Variants in IGF2BP3 observed in about 807,000 individuals in gnomAD.
The protein encoded by IGF2BP3 is insulin-like growth factor 2 mRNA-binding protein 3.
In IGF2BP3, 9 loss-of-function variants were observed where a neutral mutation model predicts 73.8. The observed-to-expected ratio is 0.12, with a 90% confidence interval of 0.07 to 0.21. The LOEUF (loss-of-function observed/expected upper bound fraction) is 0.21, where lower values mean the gene tolerates loss of function less well. IGF2BP3 is among the 10% of genes least tolerant of loss of function. IGF2BP3 has a pLI of 1.00. For missense variants in IGF2BP3, 542 were observed against 714.0 expected, an observed-to-expected ratio of 0.76 and a Z score of 2.75; for synonymous variants, 258 against 256.7, an observed-to-expected ratio of 1.01 and a Z score of -0.05.
At chr7:23,344,796 C>T (rs757271280) in intron 8 of IGF2BP3, among the ~76,000 whole-genome samples, 1 of 152,208 alleles carries the variant, frequency 6.6e-6, no homozygotes, top group Non-Finnish European at 1.5e-5. Flanking sequence ...TTTCCTCAAA[C>T]TTGTTAAAAA....
rs563265869 is a variant in IGF2BP3 at position 23,314,856 on chromosome 7, G to A, written c.1396-1203C>T. Reference sequence around the variant, plus strand: ...CCTGTCATGCAGGCTGAAGTGCAATGGCATGGTTTCGGCTTACTGCAACCT... The same window carrying A: ...CCTGTCATGCAGGCTGAAGTGCAATAGCATGGTTTCGGCTTACTGCAACCT... On this transcript the variant is annotated intron_variant, in intron 12 of 14. Coordinates refer to ENST00000258729, the MANE Select transcript of IGF2BP3 (RefSeq NM_006547.3). 3.2e-4 allele frequency among the ~76,000 whole-genome samples: 49 copies of A among 152,200 alleles called. 2 individuals are homozygous for A. In the South Asian group the frequency reaches 9.7e-3, roughly 30 times the overall value.
intron 10 of IGF2BP3, among the ~76,000 whole-genome samples, chr7:23,322,843 A>G (rs1784195083): frequency 6.6e-6 from 1 of 152,206 alleles, no homozygotes; most frequent in African/African-American, 2.4e-5. Context: ...TAAAGGAGAA[A>G]TAAAATCCTT....
At chr7:23,361,893 C>T in intron 3 of IGF2BP3, 152 bp from the exon 4 acceptor site, 1 of 617,390 alleles carries the variant, frequency 1.6e-6, no homozygotes, top group Non-Finnish European at 2.8e-6. Flanking sequence ...GGATGGATAC[C>T]ACAAATATCA....
At chr7:23,404,115 C>T (rs2128527204) in intron 3 of IGF2BP3, among the ~76,000 whole-genome samples, 1 of 151,206 alleles carries the variant, frequency 6.6e-6, no homozygotes, top group African/African-American at 2.4e-5. Context: ...TGACTCCAGC[C>T]TGGGTGACAG....
intron 3 of IGF2BP3, among the ~76,000 whole-genome samples, chr7:23,390,635 C>T (rs1181683120): frequency 6.6e-6 from 1 of 152,154 alleles, no homozygotes; most frequent in African/African-American, 2.4e-5. Context: ...AAATACAAAA[C>T]CTGTAACAGC....
intron 5 of IGF2BP3, among the ~76,000 whole-genome samples, chr7:23,356,390 T>A (rs1399901786): frequency 6.6e-6 from 1 of 151,038 alleles, no homozygotes; most frequent in South Asian, 2.1e-4. Flanking sequence ...AGACCCTGCC[T>A]CTACAAAAAA....
At chr7:23,353,058 C>G (rs1683661435) in intron 5 of IGF2BP3, among the ~76,000 whole-genome samples, 1 of 152,032 alleles carries the variant, frequency 6.6e-6, no homozygotes, top group African/African-American at 2.4e-5. Flanking sequence ...CTTTTTAACT[C>G]CCCAGTGCAC....
At chr7:23,322,824 CT>C (rs1241677078) in intron 10 of IGF2BP3, among the ~76,000 whole-genome samples, 1 of 152,046 alleles carries the variant, frequency 6.6e-6, no homozygotes, top group Non-Finnish European at 1.5e-5. Context: ...CCAAACTAAG[CT>C]TCATAAGTAA....
intron 3 of IGF2BP3, among the ~76,000 whole-genome samples, chr7:23,404,450 A>G (rs1314037312): frequency 1.3e-5 from 2 of 152,206 alleles, no homozygotes; most frequent in African/African-American, 4.8e-5. Context: ...AAACAAGAAA[A>G]AAAATCCAGC....
chr7:23,452,394 C>T (rs1046364893), intron 2 of IGF2BP3, among the ~76,000 whole-genome samples: 1 of 152,096 alleles, frequency 6.6e-6, no homozygotes, highest in Non-Finnish European at 1.5e-5. Flanking sequence ...GTCTTTTTGC[C>T]AAGTATGTCT....
Position 23,313,562 on chromosome 7 carries a change from G to A in IGF2BP3, c.1487C>T (p.Ser496Phe). The stretch of plus-strand genomic sequence containing the variant: ...TCCAATAACTCTGCCAGCAGCAAAG[G>A]ATGGCACTCTGATATGAGCTTCAAG... ...VKLEAHIRVP[S>F]FAAGRVIGKG... The change falls in exon 13 of 15, where the codon TCC (serine) becomes TTC (phenylalanine). Residue 496 changes from serine to phenylalanine, a missense_variant. Around this residue, in one of 2 missense-constraint regions of IGF2BP3, gnomAD observed 303 missense variants for 472.1 expected, o/e 0.64. Coordinates refer to ENST00000258729, the MANE Select transcript of IGF2BP3 (RefSeq NM_006547.3). 6.2e-7 allele frequency: 1 copy of A among 1,614,088 alleles called. No homozygotes were observed. The highest frequency in any genetic ancestry group is 8.5e-7 in the Non-Finnish European group (1 of 1,180,032).
In IGF2BP3 at chr7:23,385,961, G is replaced by T. The variant is rs151317300; in HGVS notation, c.286-24220C>A. Among the ~76,000 whole-genome samples the T allele has an allele frequency of 5.2e-3, 792 of 152,196 alleles. 10 individuals carry two copies. Among genetic ancestry groups the T allele is most frequent in the African/African-American group, 0.018 (738 of 41,514 alleles). The stretch of plus-strand genomic sequence containing the variant: ...TTTATGAGAATTTTTTATATGTGAT[G>T]ATATTGATTTTTTTAAGCCCATATC... On this transcript the variant is annotated intron_variant, in intron 3 of 14. Coordinates refer to ENST00000258729, the MANE Select transcript of IGF2BP3 (RefSeq NM_006547.3).
At chr7:23,317,843 G>A (rs1784033350) in intron 11 of IGF2BP3, 130 bp from the exon 12 acceptor site, 2 of 720,984 alleles carry the variant, frequency 2.8e-6, no homozygotes, top group African/African-American at 1.7e-5. Context: ...GGAAATTAGG[G>A]AGAGGCAGCA....
chr7:23,394,246 T>C (rs983618752), intron 3 of IGF2BP3, among the ~76,000 whole-genome samples: 1 of 152,126 alleles, frequency 6.6e-6, no homozygotes, highest in Non-Finnish European at 1.5e-5. Context: ...GCAAGCTAAG[T>C]GTATAAGCCC....
At chr7:23,392,692 T>G (rs565510853) in intron 3 of IGF2BP3, among the ~76,000 whole-genome samples, 71 of 152,246 alleles carry the variant, frequency 4.7e-4, no homozygotes, top group African/African-American at 1.7e-3. Context: ...TATGATTGCA[T>G]GATCACGGCT....
chr7:23,335,285 AT>A (rs2128498787), intron 10 of IGF2BP3, among the ~76,000 whole-genome samples: 1 of 125,778 alleles, frequency 8.0e-6, no homozygotes, highest in African/African-American at 3.0e-5. Flanking sequence ...CTTCCAACTC[AT>A]AATTTTTTTT....
Position 23,393,434 on chromosome 7 carries a change from A to G in IGF2BP3, c.285+25342T>C, listed in dbSNP as rs115223306. Among the ~76,000 whole-genome samples the G allele has an allele frequency of 2.8e-3, 433 of 152,338 alleles. 2 individuals carry two copies. Among genetic ancestry groups the G allele is most frequent in the African/African-American group, 9.6e-3 (400 of 41,576 alleles). ...GAACAAATGTCAACAAATGTCAAGG[A>G]CAGCTAAGATCCCACCCTGCAATAA... is the stretch of plus-strand genomic sequence containing the variant. On this transcript the variant is annotated intron_variant, in intron 3 of 14. Transcript: ENST00000258729.
At chr7:23,324,711 AG>A (rs1197398978) in intron 10 of IGF2BP3, among the ~76,000 whole-genome samples, 1 of 87,618 alleles carries the variant, frequency 1.1e-5, no homozygotes, top group African/African-American at 5.2e-5. Context: ...CACATCAAAA[AG>A]CTTATCCACC....
rs1293301378 is a variant in IGF2BP3, at chr7:23,470,151, C to A, written c.-41G>T. ...TTTAAAAAAAAATAACGAGAAAAAACGAAAAATTAAAACCACCCACGGTGA... is the reference window on the plus strand; with the variant it reads ...TTTAAAAAAAAATAACGAGAAAAAAAGAAAAATTAAAACCACCCACGGTGA... On this transcript the variant is annotated 5_prime_UTR_variant, in exon 1 of 15. Coordinates refer to ENST00000258729, the MANE Select transcript of IGF2BP3 (RefSeq NM_006547.3). 2.6e-6 allele frequency: 4 copies of A among 1,545,524 alleles called. No homozygotes were observed. Among genetic ancestry groups the A allele is most frequent in the Non-Finnish European group, 3.5e-6 (4 of 1,142,892 alleles).
Sources: gnomAD v4.1 joint callset for allele counts (sites outside exome capture counted in the v4.1 genomes callset) on GRCh38, gnomAD v4.1.1 for gene constraint, gnomAD v4.1.1 regional missense constraint, MANE v1.5 for transcripts, NCBI Gene and HGNC (gene_info 2026-07-23, HGNC 2026-07-21) for gene names.